Variants in CACNA2D3 observed in about 807,000 individuals in gnomAD.
The protein encoded by CACNA2D3 is voltage-dependent calcium channel subunit alpha-2/delta-3.
A neutral mutation model predicts 160.6 loss-of-function variants in CACNA2D3; 60 were observed. The ratio of observed to expected loss-of-function variants is 0.37; its 90% CI spans 0.30 to 0.46. The LOEUF (loss-of-function observed/expected upper bound fraction) is 0.46. Among genes scored for constraint, CACNA2D3 ranks in the 20% least tolerant of loss-of-function variants. CACNA2D3 has a pLI of 1.00. For synonymous variants in CACNA2D3, 558 were observed against 492.9 expected (o/e 1.13, Z -1.75); for missense variants, 1,205 against 1,365.0 (o/e 0.88, Z 1.85).
intron 17 of CACNA2D3, among the ~76,000 whole-genome samples, chr3:54,864,500 C>T (rs1474056761): frequency 6.6e-6 from 1 of 152,106 alleles, no homozygotes; most frequent in African/African-American, 2.4e-5. Flanking sequence ...TCTCAAACTC[C>T]AGACCTGCCT....
At chr3:54,492,090 CCAGAGCTG>C (rs1160473350) in intron 4 of CACNA2D3, among the ~76,000 whole-genome samples, 2 of 152,130 alleles carry the variant, frequency 1.3e-5, no homozygotes, top group Admixed American at 1.3e-4. Context: ...GGTGATTAGG[CCAGAGCTG>C]CTGGATTCTA....
intron 4 of CACNA2D3, among the ~76,000 whole-genome samples, chr3:54,454,205 G>C (rs1700357610): frequency 6.6e-6 from 1 of 152,022 alleles, no homozygotes; most frequent in South Asian, 2.1e-4. Flanking sequence ...TTTATTTTTT[G>C]AGGACTCAAC....
chr3:55,066,390 A>G (rs1704636301), intron 35 of CACNA2D3, among the ~76,000 whole-genome samples: 1 of 152,206 alleles, frequency 6.6e-6, no homozygotes, highest in Non-Finnish European at 1.5e-5. Flanking sequence ...ATCCTGACCA[A>G]ATATTTTTCA....
At chr3:54,793,552 G>A (rs1028533621) in intron 13 of CACNA2D3, among the ~76,000 whole-genome samples, 8 of 152,094 alleles carry the variant, frequency 5.3e-5, no homozygotes, top group Admixed American at 1.3e-4. Flanking sequence ...ACAGAGTAAC[G>A]GGGTCAGGTT....
Position 54,447,677 on chromosome 3 carries a change from C to T in CACNA2D3, c.382-55815C>T, listed in dbSNP as rs527831565. ...TTGGTTCTGTTAGGCCACAGTTACA[C>T]GTCAAAGCAAATACAGGCCAGAGAT... On this transcript the variant is annotated intron_variant, in intron 4 of 37. Coordinates refer to ENST00000474759, the MANE Select transcript of CACNA2D3 (RefSeq NM_018398.3). Among the ~76,000 whole-genome samples, 8 of 152,276 alleles carry T rather than the reference C, an allele frequency of 5.3e-5. No homozygotes were observed. In the South Asian group the frequency reaches 1.0e-3, roughly 20 times the overall value.
chr3:54,216,335 A>C (rs147983020), intron 2 of CACNA2D3, among the ~76,000 whole-genome samples: 2 of 152,372 alleles, frequency 1.3e-5, no homozygotes, highest in East Asian at 3.9e-4. Flanking sequence ...AGTGATGTTT[A>C]AAAGTGCGTG....
At chr3:54,518,846 A>G (rs745994340) in intron 5 of CACNA2D3, among the ~76,000 whole-genome samples, 6 of 152,210 alleles carry the variant, frequency 3.9e-5, no homozygotes, top group Non-Finnish European at 8.8e-5. Flanking sequence ...TTATACAGGA[A>G]AAGCCATCTT....
At chr3:54,923,987 G>A (rs529302726) in intron 27 of CACNA2D3, among the ~76,000 whole-genome samples, 1 of 152,322 alleles carries the variant, frequency 6.6e-6, no homozygotes, top group Non-Finnish European at 1.5e-5. Flanking sequence ...AACGGGAGAT[G>A]GGCTGTGGCC....
At chr3:54,259,394 A>G (rs1159776957) in intron 2 of CACNA2D3, among the ~76,000 whole-genome samples, 1 of 152,200 alleles carries the variant, frequency 6.6e-6, no homozygotes, top group Non-Finnish European at 1.5e-5. Context: ...TGAGTTCTTA[A>G]TTCTTTAGGT....
chr3:54,837,285 C>T (rs1698715364), intron 15 of CACNA2D3, 55 bp downstream of exon 15: 2 of 1,352,986 alleles, frequency 1.5e-6, no homozygotes, highest in Non-Finnish European at 2.1e-6. Context: ...TTTTCTCAGA[C>T]CCCCTCTGAC....
intron 2 of CACNA2D3, among the ~76,000 whole-genome samples, chr3:54,214,683 G>T (rs1365544704): frequency 6.6e-6 from 1 of 152,156 alleles, no homozygotes; most frequent in African/African-American, 2.4e-5. Flanking sequence ...TGGAGAGGAT[G>T]CCCCAGCACA....
At chr3:54,562,660 T>G (rs1047141055) in intron 5 of CACNA2D3, 140 bp from the exon 6 acceptor site, 4 of 663,366 alleles carry the variant, frequency 6.0e-6, no homozygotes, top group Non-Finnish European at 1.0e-5. Flanking sequence ...GCTAAACGTT[T>G]TTGTGGCTAT....
At chr3:54,547,811 A>T (rs1015102158) in intron 5 of CACNA2D3, among the ~76,000 whole-genome samples, 3 of 151,404 alleles carry the variant, frequency 2.0e-5, no homozygotes, top group Non-Finnish European at 4.4e-5. Context: ...CAGCCTCCCT[A>T]GTAGCTAGGA....
intron 2 of CACNA2D3, among the ~76,000 whole-genome samples, chr3:54,315,717 C>G (rs1703844723): frequency 6.6e-6 from 1 of 151,904 alleles, no homozygotes. Context: ...AGGTGAAAAG[C>G]TTCTGGCACC....
chr3:54,973,557 ATT>A (rs1702321457), intron 29 of CACNA2D3, among the ~76,000 whole-genome samples: 1 of 152,112 alleles, frequency 6.6e-6, no homozygotes, highest in Admixed American at 6.5e-5. Context: ...GCTTGTAGGC[ATT>A]TCCTCTGGCA....
intron 3 of CACNA2D3, among the ~76,000 whole-genome samples, chr3:54,379,195 T>A (rs1371331397): frequency 6.6e-6 from 1 of 152,234 alleles, no homozygotes; most frequent in Non-Finnish European, 1.5e-5. Context: ...TTAGCTTTTA[T>A]AATCCACTTT....
At position 54,857,842 on chromosome 3, in the gene CACNA2D3, C is replaced by T. The variant is rs558778418; in HGVS notation, c.1626+11375C>T. Among the ~76,000 whole-genome samples, 185 of 152,234 alleles carry T rather than the reference C, an allele frequency of 1.2e-3. 1 individual carries two copies. Among genetic ancestry groups the T allele is most frequent in the Admixed American group, 2.4e-3 (37 of 15,294 alleles). ...AGCATGCTTCCCATTCCATTTCAGG[C>T]CCCTGAGCATGTATTCCTAACACAC... On this transcript the variant is annotated intron_variant, in intron 17 of 37. Transcript: ENST00000474759.
chr3:54,591,688 A>T (rs1252222879), intron 9 of CACNA2D3, among the ~76,000 whole-genome samples: 2 of 150,676 alleles, frequency 1.3e-5, no homozygotes, highest in African/African-American at 4.9e-5. Context: ...GGGTGAAATT[A>T]TCTGAGTCCA....
chr3:54,687,744 C>T (rs1054223563), intron 11 of CACNA2D3, among the ~76,000 whole-genome samples: 1 of 152,182 alleles, frequency 6.6e-6, no homozygotes, highest in South Asian at 2.1e-4. Context: ...TTTCTAAACC[C>T]TTGTGAGTCC....
Sources: allele counts gnomAD v4.1 joint callset (sites outside exome capture counted in the v4.1 genomes callset), GRCh38; gene constraint gnomAD v4.1.1; transcripts MANE v1.5; gene names NCBI Gene and HGNC (gene_info 2026-07-23, HGNC 2026-07-21).